The following PTDSS2 variants were observed in gnomAD, a reference collection of about 807,000 sequenced individuals.
The protein encoded by PTDSS2 is phosphatidylserine synthase 2.
Under a neutral mutation model 64.7 loss-of-function variants are expected in PTDSS2, and 41 were observed. That is an observed-to-expected ratio of 0.63 (90% CI 0.49 to 0.82). PTDSS2 has a LOEUF of 0.82. Ranked by LOEUF, PTDSS2 falls within the 40% of genes least tolerant of loss-of-function variation. The pLI, the probability that PTDSS2 is intolerant of heterozygous loss-of-function variation, is 0.00. For missense variants in PTDSS2, 485 were observed against 650.0 expected, an observed-to-expected ratio of 0.75 and a Z score of 2.76; for synonymous variants, 297 against 277.8, an observed-to-expected ratio of 1.07 and a Z score of -0.69.
At chr11:486,686 C>CAA (rs1336033787) in intron 4 of PTDSS2, among the ~76,000 whole-genome samples, 1 of 148,464 alleles carries the variant, frequency 6.7e-6, no homozygotes, top group Non-Finnish European at 1.5e-5. Context: ...ACTAAAAATA[C>CAA]AAAAAAAAAA....
chr11:469,219 G>A (rs1366714829), intron 2 of PTDSS2, among the ~76,000 whole-genome samples: 1 of 122,468 alleles, frequency 8.2e-6, no homozygotes, highest in South Asian at 3.1e-4. Flanking sequence ...CTGGGTAATC[G>A]GAAGGAGGAG....
intron 2 of PTDSS2, among the ~76,000 whole-genome samples, chr11:467,078 C>G (rs1847180513): frequency 6.6e-6 from 1 of 151,948 alleles, no homozygotes; most frequent in South Asian, 2.1e-4. Flanking sequence ...TGGGTGACAC[C>G]CACTCGGAAG....
chr11:473,907 C>T lies in PTDSS2; in HGVS notation c.297C>T (p.Ala99=). 5 of 1,613,436 alleles carry T rather than the reference C, an allele frequency of 3.1e-6. No homozygotes were observed. The highest frequency in any genetic ancestry group is 4.2e-6 in the Non-Finnish European group (5 of 1,179,330). Residue 99 remains alanine, a synonymous_variant, in exon 3 of 12, where the codon GCC becomes GCT. Transcript: ENST00000308020. ...TAYNTKRGIV[A]SILVFLCFGV... is the part of the protein sequence containing the mutation. ...TCTTTATTTGCAGAGGTATTGTGGC[C>T]AGTATTTTGGTTTTCTTATGTTTTG...
At chr11:464,135 GCC>G (rs1564967796) in intron 2 of PTDSS2, among the ~76,000 whole-genome samples, 8 of 151,734 alleles carry the variant, frequency 5.3e-5, no homozygotes, top group African/African-American at 1.9e-4. Context: ...GCCGTGCACC[GCC>G]ACGCCCCACT....
chr11:470,354 G>T lies in PTDSS2; in HGVS notation c.285-3541G>T, dbSNP rs1490387002. Among the ~76,000 whole-genome samples, 1 of 152,144 alleles carries T rather than the reference G, an allele frequency of 6.6e-6. No homozygotes were observed. Among genetic ancestry groups the T allele is most frequent in the Non-Finnish European group, 1.5e-5 (1 of 68,032 alleles). On this transcript the variant is annotated intron_variant, in intron 2 of 11. Coordinates refer to ENST00000308020, the MANE Select transcript of PTDSS2 (RefSeq NM_030783.3). This position sits in a 1 kb window ranked among gnomAD's most constrained non-coding sequence, Gnocchi z 5.3. ...CCATCTCACTAAGGAACATTCCACA[G>T]AATTCCTGACCAGGCCTCCTCCAAA...
intron 3 of PTDSS2, among the ~76,000 whole-genome samples, chr11:477,731 A>G (rs1425088075): frequency 6.6e-6 from 1 of 152,224 alleles, no homozygotes; most frequent in Non-Finnish European, 1.5e-5. Context: ...CAGGCCGGGC[A>G]CCTGCTCCGA....
intron 1 of PTDSS2, among the ~76,000 whole-genome samples, 171 bp downstream of exon 1, chr11:450,808 G>A (rs967172816): frequency 6.6e-6 from 1 of 152,202 alleles, no homozygotes; most frequent in Middle Eastern, 3.4e-3. Flanking sequence ...GGGAGCGGCC[G>A]GACCGAGCTC....
intron 1 of PTDSS2, among the ~76,000 whole-genome samples, chr11:452,661 C>T (rs984882018): frequency 6.6e-6 from 1 of 152,050 alleles, no homozygotes; most frequent in Non-Finnish European, 1.5e-5. Flanking sequence ...CGACCCTGTC[C>T]CTGTAGAGAC....
intron 1 of PTDSS2, among the ~76,000 whole-genome samples, chr11:453,109 C>T (rs2133749708): frequency 6.6e-6 from 1 of 152,240 alleles, no homozygotes; most frequent in African/African-American, 2.4e-5. Flanking sequence ...TTCTCTGTGA[C>T]TGCTTGTCAG....
intron 2 of PTDSS2, among the ~76,000 whole-genome samples, chr11:471,912 A>G (rs1364194223): frequency 4.0e-4 from 36 of 89,994 alleles, no homozygotes; most frequent in South Asian, 8.0e-4. Flanking sequence ...GGTGACGCGC[A>G]CCTGTCGGGC....
chr11:473,690 G>A (rs999922623), intron 2 of PTDSS2, among the ~76,000 whole-genome samples: 3 of 152,234 alleles, frequency 2.0e-5, no homozygotes, highest in Non-Finnish European at 4.4e-5. Context: ...GGCGGCAAAT[G>A]TGAGGGCGAA....
At chr11:450,060 C>G (rs1042136112), upstream of PTDSS2, among the ~76,000 whole-genome samples, 1 of 152,194 alleles carries the variant, frequency 6.6e-6, no homozygotes, top group Non-Finnish European at 1.5e-5. Context: ...GGTGGAGGGA[C>G]TCGGGCCAGG....
intron 1 of PTDSS2, among the ~76,000 whole-genome samples, chr11:457,636 C>G (rs73385846): frequency 0.032 from 4,941 of 152,320 alleles, 283 homozygotes; most frequent in African/African-American, 0.11. Flanking sequence ...ACAGTGTTTC[C>G]TCCACTGATA....
chr11:476,005 C>G lies in PTDSS2; in HGVS notation c.367+2028C>G, dbSNP rs941850380. On this transcript the variant is annotated intron_variant, in intron 3 of 11. Transcript: ENST00000308020. The surrounding 1 kb of genome is among the most constrained non-coding windows in gnomAD (Gnocchi z 4.9). ...GTTATAAAATTGGCCTCCAGGAGAG[C>G]AGTGTCTGCCCCAGGGTCAGTGCCA... is the stretch of plus-strand genomic sequence containing the variant. Among the ~76,000 whole-genome samples the G allele has an allele frequency of 1.3e-5, 2 of 152,230 alleles. No individual in the cohort carries two copies. Among genetic ancestry groups the G allele is most frequent in the African/African-American group, 2.4e-5 (1 of 41,460 alleles).
intron 3 of PTDSS2, among the ~76,000 whole-genome samples, chr11:478,859 AGATTT>A (rs1428561346): frequency 6.6e-6 from 1 of 152,226 alleles, no homozygotes; most frequent in Non-Finnish European, 1.5e-5. Context: ...TATGGGCAAA[AGATTT>A]GAGTACTGGA....
At chr11:488,421 T>C in intron 7 of PTDSS2, 108 bp from the exon 8 acceptor site, 1 of 1,318,598 alleles carries the variant, frequency 7.6e-7, no homozygotes, top group Non-Finnish European at 1.1e-6. Context: ...CGGGGGGCAG[T>C]GGGTGCAGGC....
chr11:471,687 C>T (rs1364035684), intron 2 of PTDSS2, among the ~76,000 whole-genome samples: 6 of 129,254 alleles, frequency 4.6e-5, no homozygotes, highest in African/African-American at 9.0e-5. Context: ...GGGTGACGCG[C>T]GCCTGTCGGG....
intron 2 of PTDSS2, among the ~76,000 whole-genome samples, chr11:466,548 C>T (rs1014245449): frequency 2.0e-5 from 3 of 151,972 alleles, no homozygotes; most frequent in African/African-American, 4.8e-5. Context: ...GCTGGGACTA[C>T]AGGCATGCGC....
rs1431438358 is a variant in PTDSS2 at position 460,276 on chromosome 11, A to G, written c.272A>G (p.Tyr91Cys). 10 of 1,613,778 alleles carry G rather than the reference A, an allele frequency of 6.2e-6. No individual in the cohort carries two copies. The highest frequency in any genetic ancestry group is 6.8e-6 in the Non-Finnish European group (8 of 1,179,762). ...LLEETPQDTA[Y>C]NTKRGIVASI... ...GAGGAAACACCTCAGGACACGGCCT[A>G]CAACACCAAGAGGTAAGCTGCCCTC... is the stretch of plus-strand genomic sequence containing the variant. Residue 91 changes from tyrosine to cysteine, a missense_variant, in exon 2 of 12, where the codon TAC (tyrosine) becomes TGC (cysteine). Coordinates refer to ENST00000308020, the MANE Select transcript of PTDSS2 (RefSeq NM_030783.3). The surrounding 1 kb of genome is among the most constrained non-coding windows in gnomAD (Gnocchi z 5.8).
Sources: allele counts gnomAD v4.1 joint callset (sites outside exome capture counted in the v4.1 genomes callset), GRCh38; gene constraint gnomAD v4.1.1; non-coding constraint Gnocchi (gnomAD v3.1); transcripts MANE v1.5; gene names NCBI Gene and HGNC (gene_info 2026-07-23, HGNC 2026-07-21).